ZC3H12B: variants seen among roughly 807,000 people sequenced by gnomAD.
The protein encoded by ZC3H12B is zinc finger CCCH-type containing 12B.
In ZC3H12B, 7 loss-of-function variants were observed where a neutral mutation model predicts 43.9. The observed-to-expected ratio is 0.16, with a 90% CI of 0.09 to 0.30. The LOEUF is 0.30. Ranked by LOEUF, ZC3H12B falls within the 10% of genes least tolerant of loss-of-function variation. ZC3H12B has a pLI of 1.00. For synonymous variants in ZC3H12B, 222 were observed against 241.7 expected (o/e 0.92, Z 0.76); for missense variants, 475 against 670.2 (o/e 0.71, Z 3.22).
chrX:65,428,351 A>T (rs1426302053), intron 3 of ZC3H12B, among the ~76,000 whole-genome samples: 1 of 112,064 alleles, frequency 8.9e-6, no homozygotes, highest in Admixed American at 9.4e-5. Flanking sequence ...ATTTTGAAGT[A>T]TGTTTTCCAA....
the ZC3H12B span, among the ~76,000 whole-genome samples, chrX:65,243,522 G>T: frequency 8.9e-6 from 1 of 111,938 alleles, no homozygotes; most frequent in African/African-American, 3.2e-5. Context: ...TTCTTTGTGG[G>T]AATGTAAATT....
At chrX:65,429,825 C>T (rs183982388) in intron 3 of ZC3H12B, among the ~76,000 whole-genome samples, 43 of 112,264 alleles carry the variant, frequency 3.8e-4, no homozygotes, top group Non-Finnish European at 2.8e-4. Context: ...CGTAAAGCAG[C>T]TCTGCTTCAT....
chrX:65,133,696 A>G, the ZC3H12B span, among the ~76,000 whole-genome samples: 5 of 110,745 alleles, frequency 4.5e-5, no homozygotes, highest in Admixed American at 2.9e-4. Flanking sequence ...GGAAGAATTG[A>G]GACATGGCTT....
intron 3 of ZC3H12B, among the ~76,000 whole-genome samples, chrX:65,421,776 T>A (rs1052752304): frequency 9.0e-6 from 1 of 110,628 alleles, no homozygotes; most frequent in African/African-American, 3.3e-5. Context: ...GGTGAAACCC[T>A]GTCTCTACTA....
the ZC3H12B span, among the ~76,000 whole-genome samples, chrX:65,278,721 G>C: frequency 1.8e-5 from 2 of 110,601 alleles, no homozygotes; most frequent in Non-Finnish European, 3.8e-5. Context: ...GGTGTCACTG[G>C]GGTTTGTTCA....
Position 65,379,189 on chromosome X carries a change from G to A in ZC3H12B, n.295+10191G>A, listed in dbSNP as rs760515577. 3.6e-4 allele frequency among the ~76,000 whole-genome samples: 40 copies of A among 111,951 alleles called. No individual in the cohort carries two copies. The South Asian group carries it at 0.015, about 41-fold the overall frequency. ...AAACAAAAAGACAACAGTAACCTCC[G>A]CAGACTTAAATGTCCCTGTCTGACA... On this transcript the variant is annotated intron_variant and non_coding_transcript_variant, in intron 2 of 5. Transcript: ENST00000617377.
chrX:65,165,394 T>G, the ZC3H12B span, among the ~76,000 whole-genome samples: 1 of 112,274 alleles, frequency 8.9e-6, no homozygotes, highest in Middle Eastern at 4.7e-3. Flanking sequence ...AAGCCCTGCA[T>G]GCATTAGGTA....
the ZC3H12B span, among the ~76,000 whole-genome samples, chrX:65,341,524 A>G: frequency 9.8e-5 from 11 of 111,851 alleles, no homozygotes; most frequent in African/African-American, 3.6e-4. Context: ...AGCTGAAATC[A>G]TACAAGCCAG....
chrX:65,055,510 G>A, the ZC3H12B span, among the ~76,000 whole-genome samples: 1 of 111,657 alleles, frequency 9.0e-6, no homozygotes, highest in African/African-American at 3.3e-5. Context: ...GAAGATTTTT[G>A]CATGGATGTT....
At chrX:65,162,207 C>A in the ZC3H12B span, among the ~76,000 whole-genome samples, 1 of 110,829 alleles carries the variant, frequency 9.0e-6, no homozygotes, top group East Asian at 2.8e-4. Context: ...ACATTTTTTC[C>A]TTCATTTCAT....
chrX:65,061,328 C>T, the ZC3H12B span, among the ~76,000 whole-genome samples: 3 of 106,661 alleles, frequency 2.8e-5, no homozygotes, highest in African/African-American at 3.8e-5. Context: ...TCCAACATCC[C>T]CCAACAGGCC....
the ZC3H12B span, chrX:65,185,238 C>G: frequency 3.6e-5 from 4 of 111,712 alleles, no homozygotes; most frequent in Admixed American, 3.8e-4. Flanking sequence ...AGTGACTAAC[C>G]GTACAGCTTG....
chrX:65,503,544 T>A (rs905052853), exon 5 of ZC3H12B: 1 of 155,270 alleles, frequency 6.4e-6, no homozygotes, highest in African/African-American at 3.1e-5. Flanking sequence ...GGGGGAGAGG[T>A]CTAGATGTAA....
At chrX:65,312,573 C>A in the ZC3H12B span, among the ~76,000 whole-genome samples, 1 of 111,343 alleles carries the variant, frequency 9.0e-6, no homozygotes. Context: ...TATTATTTGT[C>A]TTATCCCTCT....
intron 3 of ZC3H12B, among the ~76,000 whole-genome samples, chrX:65,403,424 A>G (rs886719436): frequency 8.9e-6 from 1 of 112,036 alleles, no homozygotes; most frequent in Non-Finnish European, 1.9e-5. Flanking sequence ...ACAGGATAAT[A>G]AAAGAGATAT....
chrX:65,286,634 A>G, the ZC3H12B span, among the ~76,000 whole-genome samples: 1 of 111,010 alleles, frequency 9.0e-6, no homozygotes, highest in Non-Finnish European at 1.9e-5. Context: ...ATACATACCT[A>G]TACATATATT....
At chrX:65,083,698 C>T in the ZC3H12B span, among the ~76,000 whole-genome samples, 1 of 111,770 alleles carries the variant, frequency 8.9e-6, no homozygotes, top group South Asian at 3.8e-4. Flanking sequence ...TCTACAGATT[C>T]AATGCAATCC....
intron 1 of ZC3H12B, among the ~76,000 whole-genome samples, chrX:65,368,498 T>A (rs904565822): frequency 1.8e-5 from 2 of 112,000 alleles, no homozygotes; most frequent in East Asian, 5.5e-4. Flanking sequence ...AAAATGGTAT[T>A]ATTTATAATT....
the ZC3H12B span, among the ~76,000 whole-genome samples, chrX:65,170,025 C>G: frequency 9.0e-6 from 1 of 111,702 alleles, no homozygotes; most frequent in African/African-American, 3.3e-5. Context: ...AGCATTTAGC[C>G]GATTTACATG....
Sources: allele counts gnomAD v4.1 joint callset (sites outside exome capture counted in the v4.1 genomes callset), GRCh38; gene constraint gnomAD v4.1.1; transcripts MANE v1.5; gene names NCBI Gene and HGNC (gene_info 2026-07-23, HGNC 2026-07-21).